Variants in ZBTB10 observed in about 807,000 individuals in gnomAD.
ZBTB10 encodes the protein zinc finger and BTB domain containing 10, also known as zinc finger and BTB domain-containing protein 10.
A neutral mutation model predicts 76.4 loss-of-function variants in ZBTB10; 32 were observed. The observed-to-expected ratio is 0.42, with a 90% CI of 0.32 to 0.56. The LOEUF (loss-of-function observed/expected upper bound fraction) is 0.56. Among genes scored for constraint, ZBTB10 ranks in the 20% least tolerant of loss-of-function variants. ZBTB10 has a pLI of 0.14. For missense variants in ZBTB10, 1,057 were observed against 1,098.5 expected (o/e 0.96, Z 0.53); for synonymous variants, 523 against 432.9 (o/e 1.21, Z -2.58).
intron 1 of ZBTB10, among the ~76,000 whole-genome samples, chr8:80,493,207 G>GCGCGCGCGCGCGCGCGCGCGCA (rs375071529): frequency 1.6e-5 from 2 of 125,244 alleles, no homozygotes; most frequent in Non-Finnish European, 3.4e-5. Context: ...GCGCGCGCGC[G>GCGCGCGCGCGCGCGCGCGCGCA]CACACACACA....
At position 80,486,993 on chromosome 8, in the gene ZBTB10, G is replaced by T; in HGVS notation, c.183G>T (p.Arg61=). The T allele has an allele frequency of 6.6e-7, 1 of 1,514,152 alleles. No individual in the cohort carries two copies. The highest frequency in any genetic ancestry group is 1.2e-5 in the South Asian group (1 of 81,970). 93.8% of individuals were successfully genotyped at this position (1,514,152 alleles called of 1,614,324 possible). ...CCGCGCTTCAGCCGCCTAATGGGCG[G>T]GGGGCCGACGAGGAAGTGGAATTGG... is the stretch of plus-strand genomic sequence containing the variant. ...APPALQPPNG[R]GADEEVELEG... The change falls in exon 1 of 6, where the codon CGG becomes CGT. Residue 61 remains arginine, a synonymous_variant. Transcript: ENST00000455036.
Position 80,505,915 on chromosome 8 carries a change from ATTTTTTT to A in ZBTB10, c.1861+5551_1861+5557del, listed in dbSNP as rs58176444. Among the ~76,000 whole-genome samples, 37 of 131,968 alleles carry A rather than the reference ATTTTTTT, an allele frequency of 2.8e-4. 1 individual carries two copies. The highest frequency in any genetic ancestry group is 6.5e-4 in the East Asian group (3 of 4,628). The allele number at this position is 131,968 out of a possible 152,430, so 86.6% of individuals were successfully genotyped here. ...GGGCGTGCACCACTATGCCTGGCTA[ATTTTTTT>A]TTTTTTTTTTTTTTTTTAAGTAAAG... On this transcript the variant is annotated intron_variant, in intron 2 of 5. Coordinates refer to ENST00000455036, the MANE Select transcript of ZBTB10 (RefSeq NM_001105539.3).
rs1261998688 is a variant in ZBTB10 at position 80,499,676 on chromosome 8, C to T, written c.1155C>T (p.Gly385=). Residue 385 remains glycine, a synonymous_variant, in exon 2 of 6, where the codon GGC becomes GGT. Transcript: ENST00000455036. ...FKAHKNILVA[G]SRFFKTLYCF... ...CTCATAAGAACATCCTGGTTGCAGG[C>T]AGCCGTTTCTTTAAGACTTTATATT... The T allele has an allele frequency of 6.2e-7, 1 of 1,613,964 alleles. No individual in the cohort carries two copies. Among genetic ancestry groups the T allele is most frequent in the East Asian group, 2.2e-5 (1 of 44,890 alleles).
At chr8:80,486,134 C>T, upstream of ZBTB10, 1 of 417,746 alleles carries the variant, frequency 2.4e-6, no homozygotes, top group Non-Finnish European at 4.2e-6. Context: ...CAGCCCCAAG[C>T]CCAGCCCCCC....
At position 80,522,907 on chromosome 8, in the gene ZBTB10, G is replaced by A. The variant is rs1816477689; in HGVS notation, c.*3379G>A. 1 of 151,832 alleles carries A rather than the reference G, an allele frequency of 6.6e-6. No individual in the cohort carries two copies. The highest frequency in any genetic ancestry group is 1.5e-5 in the Non-Finnish European group (1 of 67,858). 9.4% of individuals were successfully genotyped at this position (151,832 alleles called of 1,614,324 possible). On this transcript the variant is annotated 3_prime_UTR_variant, in exon 6 of 6. Transcript: ENST00000455036. ...GTATCATACGGGGGAAAGTGTGATG[G>A]AAAATAGGTTTAAAAATCTTAATTT...
In ZBTB10 at chr8:80,525,110, A is replaced by G. The variant is rs1816533512; in HGVS notation, c.*5582A>G. ...TAGACACCAAGTTTGGCTTAATAGA[A>G]AAAGTCACTATCTGAACTTCTTTCT... is the stretch of plus-strand genomic sequence containing the variant. On this transcript the variant is annotated 3_prime_UTR_variant, in exon 6 of 6. Coordinates refer to ENST00000455036, the MANE Select transcript of ZBTB10 (RefSeq NM_001105539.3). 1 of 152,162 alleles carries G rather than the reference A, an allele frequency of 6.6e-6. No individual in the cohort carries two copies. Among genetic ancestry groups the G allele is most frequent in the Non-Finnish European group, 1.5e-5 (1 of 68,002 alleles). 9.4% of individuals were successfully genotyped at this position (152,162 alleles called of 1,614,324 possible). A position where few individuals can be genotyped will look rare whatever the true frequency, so the allele number is the denominator to read the frequency against.
chr8:80,486,464 T>C lies in ZBTB10; in HGVS notation c.-347T>C, dbSNP rs929020410. 4.1e-6 allele frequency: 4 copies of C among 984,922 alleles called. No homozygotes were observed. Among genetic ancestry groups the C allele is most frequent in the Non-Finnish European group, 4.8e-6 (4 of 829,946 alleles). The allele number at this position is 984,922 out of a possible 1,614,324, so 61.0% of individuals were successfully genotyped here. On this transcript the variant is annotated 5_prime_UTR_variant, in exon 1 of 6. Transcript: ENST00000455036. ...AGCGGAGGGTCTCCCCGCACTCCGC[T>C]GCTCAACTTCGAAGGCCTCGCTCGC...
chr8:80,489,300 T>A (rs1815564173), intron 1 of ZBTB10, among the ~76,000 whole-genome samples: 1 of 152,252 alleles, frequency 6.6e-6, no homozygotes, highest in East Asian at 1.9e-4. Flanking sequence ...GCAAAGTATT[T>A]ATTTTTTGTT....
At position 80,486,674 on chromosome 8, in the gene ZBTB10, G is replaced by A; in HGVS notation, c.-137G>A. ...CGCGAGCCGGGCTGCCGGGCGAGAG[G>A]GCGAGGCCGAGCCCCGCGAGACCGG... On this transcript the variant is annotated 5_prime_UTR_variant, in exon 1 of 6. Transcript: ENST00000455036. The A allele has an allele frequency of 1.0e-6, 1 of 990,688 alleles. No individual in the cohort carries two copies. The highest frequency in any genetic ancestry group is 1.2e-6 in the Non-Finnish European group (1 of 833,706). The allele number at this position is 990,688 out of a possible 1,614,324, so 61.4% of individuals were successfully genotyped here. A position where few individuals can be genotyped will look rare whatever the true frequency, so the allele number is the denominator to read the frequency against.
At chr8:80,515,354 C>T (rs1028014794) in intron 3 of ZBTB10, among the ~76,000 whole-genome samples, 1 of 152,102 alleles carries the variant, frequency 6.6e-6, no homozygotes, top group African/African-American at 2.4e-5. Context: ...CAGTGAGGTA[C>T]TTGTTACTAA....
At chr8:80,495,135 C>CTTTT (rs368299745) in intron 1 of ZBTB10, among the ~76,000 whole-genome samples, 1 of 140,528 alleles carries the variant, frequency 7.1e-6, no homozygotes, top group Non-Finnish European at 1.5e-5. Flanking sequence ...CTCTCTCTCT[C>CTTTT]TTTTTTTTTT....
In ZBTB10 at chr8:80,518,876, C is replaced by T; in HGVS notation, c.2232C>T (p.His744=). Reference sequence around the variant, plus strand: ...CACTAAAAAGGCACTTGCTCATTCACACAGGAGTGAGATCATTTAGCTGTG... The same window carrying T: ...CACTAAAAAGGCACTTGCTCATTCATACAGGAGTGAGATCATTTAGCTGTG... ...RRTLKRHLLI[H]TGVRSFSCDI... The change falls in exon 5 of 6, where the codon CAC becomes CAT. Residue 744 remains histidine (H), a synonymous_variant. Coordinates refer to ENST00000455036, the MANE Select transcript of ZBTB10 (RefSeq NM_001105539.3). 6.2e-7 allele frequency: 1 copy of T among 1,611,640 alleles called. No homozygotes were observed. Among genetic ancestry groups the T allele is most frequent in the Non-Finnish European group, 8.5e-7 (1 of 1,178,796 alleles).
intron 3 of ZBTB10, among the ~76,000 whole-genome samples, chr8:80,515,077 G>A (rs1337654535): frequency 6.6e-6 from 1 of 152,134 alleles, no homozygotes; most frequent in Non-Finnish European, 1.5e-5. Flanking sequence ...GGGGCCAACT[G>A]GAAATTAGAA....
At chr8:80,507,905 G>C (rs547614495) in intron 2 of ZBTB10, among the ~76,000 whole-genome samples, 1 of 152,138 alleles carries the variant, frequency 6.6e-6, no homozygotes, top group South Asian at 2.1e-4. Flanking sequence ...CAGCCCTGAT[G>C]CTTATTTTTA....
intron 2 of ZBTB10, among the ~76,000 whole-genome samples, chr8:80,503,824 T>C (rs1815984726): frequency 6.6e-6 from 1 of 152,210 alleles, no homozygotes; most frequent in Admixed American, 6.5e-5. Flanking sequence ...GCGCTCTGCC[T>C]GGAATAGTAT....
intron 2 of ZBTB10, among the ~76,000 whole-genome samples, chr8:80,501,799 T>A (rs1815932301): frequency 6.6e-6 from 1 of 152,234 alleles, no homozygotes; most frequent in Non-Finnish European, 1.5e-5. Flanking sequence ...CCTGAGACAA[T>A]TTAGTTAAAT....
chr8:80,493,553 A>G (rs761705153), intron 1 of ZBTB10, among the ~76,000 whole-genome samples: 16 of 151,806 alleles, frequency 1.1e-4, no homozygotes, highest in Non-Finnish European at 2.4e-4. Flanking sequence ...GCGGTGGCTC[A>G]GGCCTGTAAT....
intron 1 of ZBTB10, among the ~76,000 whole-genome samples, chr8:80,498,683 TACAG>T (rs796489310): frequency 2.0e-5 from 3 of 152,370 alleles, no homozygotes; most frequent in African/African-American, 4.8e-5. Flanking sequence ...TAATGGCTGA[TACAG>T]ACAGCATTCT....
intron 2 of ZBTB10, among the ~76,000 whole-genome samples, chr8:80,504,621 G>C (rs1304133750): frequency 1.3e-5 from 2 of 152,168 alleles, no homozygotes; most frequent in African/African-American, 4.8e-5. Flanking sequence ...GTAGAACTCA[G>C]AAAAGTTAGA....
Sources: allele counts gnomAD v4.1 joint callset (sites outside exome capture counted in the v4.1 genomes callset), GRCh38; gene constraint gnomAD v4.1.1; transcripts MANE v1.5; gene names NCBI Gene and HGNC (gene_info 2026-07-23, HGNC 2026-07-21).